POC1B: variants seen among roughly 807,000 people sequenced by gnomAD.
POC1B encodes the protein POC1 centriolar protein B.
A neutral mutation model predicts 60.6 loss-of-function variants in POC1B; 44 were observed. That is an observed-to-expected ratio of 0.73 (90% CI 0.57 to 0.93). The LOEUF (loss-of-function observed/expected upper bound fraction) is 0.93, where lower values mean the gene tolerates loss of function less well. Among genes scored for constraint, POC1B ranks in the 40% least tolerant of loss-of-function variants. POC1B has a pLI of 0.00. For missense variants in POC1B, 555 were observed against 572.3 expected (o/e 0.97, Z 0.31); for synonymous variants, 180 against 198.9 (o/e 0.90, Z 0.80).
chr12:89,471,151 C>A (rs186572259), intron 6 of POC1B, among the ~76,000 whole-genome samples: 1 of 152,226 alleles, frequency 6.6e-6, no homozygotes, highest in East Asian at 1.9e-4. Context: ...ACTGGAAAAG[C>A]TACTATGTTT....
chr12:89,484,123 A>T (rs189264791), intron 4 of POC1B, among the ~76,000 whole-genome samples: 1 of 152,370 alleles, frequency 6.6e-6, no homozygotes, highest in East Asian at 1.9e-4. Context: ...AGGTTACCAC[A>T]AAACAAAAAA....
At position 89,425,329 on chromosome 12, in the gene POC1B, A is replaced by G. The variant is rs2120652196; in HGVS notation, c.1164T>C (p.Cys388=). The G allele has an allele frequency of 1.2e-6, 2 of 1,614,140 alleles. No individual in the cohort carries two copies. Among genetic ancestry groups the G allele is most frequent in the South Asian group, 2.2e-5 (2 of 91,084 alleles). Reference sequence around the variant, plus strand: ...TTAAGGAAGGGTTCAAGAAATATCCACAGGCCTCTTCACCCTTGTCTGGCA... The same window carrying G: ...TTAAGGAAGGGTTCAAGAAATATCCGCAGGCCTCTTCACCCTTGTCTGGCA... The part of the protein sequence containing the change: ...RTLPDKGEEA[C]GYFLNPSLMS... Residue 388 remains cysteine (C), a synonymous_variant, in exon 11 of 12, where the codon TGT becomes TGC. Coordinates refer to ENST00000313546, the MANE Select transcript of POC1B (RefSeq NM_172240.3).
At chr12:89,474,771 T>C (rs1323687984) in intron 4 of POC1B, among the ~76,000 whole-genome samples, 1 of 152,126 alleles carries the variant, frequency 6.6e-6, no homozygotes, top group African/African-American at 2.4e-5. Flanking sequence ...GCACTGGAAG[T>C]TCTGTGTGGC....
the POC1B span, among the ~76,000 whole-genome samples, chr12:89,403,881 C>T: frequency 6.6e-6 from 1 of 152,134 alleles, no homozygotes; most frequent in Non-Finnish European, 1.5e-5. Flanking sequence ...ACCTCTAATC[C>T]CAGCACTTTG....
the POC1B span, among the ~76,000 whole-genome samples, chr12:89,413,221 T>C: frequency 5.3e-5 from 8 of 152,100 alleles, no homozygotes; most frequent in East Asian, 1.5e-3. Flanking sequence ...TTTTTAAAAT[T>C]TAGAAACAGG....
At chr12:89,415,622 G>A (rs1880350259), downstream of POC1B, among the ~76,000 whole-genome samples, 1 of 149,562 alleles carries the variant, frequency 6.7e-6, no homozygotes, top group Non-Finnish European at 1.5e-5. Context: ...CAGCCTGGGC[G>A]ACACAGCGAG....
intron 10 of POC1B, among the ~76,000 whole-genome samples, chr12:89,449,218 G>A (rs1276373027): frequency 6.6e-6 from 1 of 152,170 alleles, no homozygotes; most frequent in Non-Finnish European, 1.5e-5. Flanking sequence ...TTTCCTTGCT[G>A]TGTGTCTGTG....
chr12:89,451,252 G>T (rs897403862), intron 10 of POC1B, among the ~76,000 whole-genome samples: 4 of 152,126 alleles, frequency 2.6e-5, no homozygotes, highest in Non-Finnish European at 5.9e-5. Context: ...TGAGAATGTT[G>T]CCACCATAAA....
chr12:89,403,656 T>A, the POC1B span, among the ~76,000 whole-genome samples: 1 of 152,122 alleles, frequency 6.6e-6, no homozygotes, highest in African/African-American at 2.4e-5. Context: ...ATGATCTAAA[T>A]GTTCTAATCT....
At chr12:89,459,513 TA>T in intron 10 of POC1B, 124 bp downstream of exon 10, 1 of 394,458 alleles carries the variant, frequency 2.5e-6, no homozygotes, top group Non-Finnish European at 4.4e-6. Flanking sequence ...TTTCCTATAC[TA>T]AAATGTTAGG....
At chr12:89,404,915 G>A in the POC1B span, among the ~76,000 whole-genome samples, 2 of 151,734 alleles carry the variant, frequency 1.3e-5, no homozygotes, top group Non-Finnish European at 2.9e-5. Context: ...CTCTCCCACC[G>A]CCCCCTCTAA....
intron 1 of POC1B, chr12:89,525,551 C>CCT: frequency 8.8e-7 from 1 of 1,132,248 alleles, no homozygotes; most frequent in Non-Finnish European, 1.1e-6. Flanking sequence ...GGCTTTGGTA[C>CCT]TTTTTTTTTT....
intron 2 of POC1B, chr12:89,522,158 C>T (rs1438855666): frequency 1.3e-5 from 5 of 398,724 alleles, no homozygotes; most frequent in South Asian, 2.5e-4. Flanking sequence ...TTACAAAGTA[C>T]GGAATGTAAA....
intron 2 of POC1B, among the ~76,000 whole-genome samples, chr12:89,519,045 G>A (rs542768927): frequency 8.5e-5 from 13 of 152,172 alleles, no homozygotes; most frequent in South Asian, 2.1e-4. Flanking sequence ...TTTATGGACC[G>A]GGGAAATATG....
chr12:89,453,628 A>C lies in POC1B; in HGVS notation c.1113+6010T>G, dbSNP rs1405533142. 2.0e-5 allele frequency among the ~76,000 whole-genome samples: 3 copies of C among 152,332 alleles called. No homozygotes were observed. The South Asian group carries it at 6.2e-4, about 32-fold the overall frequency. Reference sequence around the variant, plus strand: ...ATATAAACTGCTGCAAAGTTTAAAAACTTTACATTGCGTATGACCATTTTA... The same window carrying C: ...ATATAAACTGCTGCAAAGTTTAAAACCTTTACATTGCGTATGACCATTTTA... On this transcript the variant is annotated intron_variant, in intron 10 of 11. Transcript: ENST00000313546.
chr12:89,477,317 G>C (rs1419470793), intron 4 of POC1B, among the ~76,000 whole-genome samples: 3 of 152,148 alleles, frequency 2.0e-5, no homozygotes, highest in Non-Finnish European at 4.4e-5. Context: ...ACTGCTGAGA[G>C]ACAAAAAGCA....
chr12:89,423,286 C>T (rs1482137907), intron 11 of POC1B, among the ~76,000 whole-genome samples: 6 of 152,040 alleles, frequency 3.9e-5, no homozygotes, highest in Non-Finnish European at 7.4e-5. Context: ...GGCAACATAG[C>T]GAGACACTGT....
chr12:89,476,759 T>TAGATAGATAGACAGACAGAC (rs1485211003), intron 4 of POC1B, among the ~76,000 whole-genome samples: 2 of 58,580 alleles, frequency 3.4e-5, no homozygotes, highest in African/African-American at 1.0e-4. Context: ...GATAGATAGA[T>TAGATAGATAGACAGACAGAC]AGACAGACAG....
chr12:89,417,550 C>T (rs1880383717), downstream of POC1B, among the ~76,000 whole-genome samples: 1 of 152,158 alleles, frequency 6.6e-6, no homozygotes, highest in African/African-American at 2.4e-5. Flanking sequence ...ATACATCAAG[C>T]AAATGAGAAG....
Sources: gnomAD v4.1 joint callset for allele counts (sites outside exome capture counted in the v4.1 genomes callset) on GRCh38, gnomAD v4.1.1 for gene constraint, MANE v1.5 for transcripts, NCBI Gene and HGNC (gene_info 2026-07-23, HGNC 2026-07-21) for gene names.